MID1: variants seen among roughly 807,000 people sequenced by gnomAD.
MID1 encodes E3 ubiquitin-protein ligase Midline-1.
Under a neutral mutation model 40.4 loss-of-function variants are expected in MID1, and 7 were observed. That is an observed-to-expected ratio of 0.17 (90% CI 0.10 to 0.33). The LOEUF is 0.33. Ranked by LOEUF, MID1 falls within the 10% of genes least tolerant of loss-of-function variation. The pLI, the probability that MID1 is intolerant of heterozygous loss-of-function variation, is 1.00. For missense variants in MID1, 367 were observed against 558.5 expected (o/e 0.66, Z 3.46); for synonymous variants, 229 against 221.2 (o/e 1.04, Z -0.31).
intron 1 of MID1, among the ~76,000 whole-genome samples, chrX:10,681,387 G>C (rs764425611): frequency 8.9e-6 from 1 of 111,871 alleles, no homozygotes; most frequent in African/African-American, 3.3e-5. Flanking sequence ...GCTGTGGCTC[G>C]AAGTCTAGAG....
chrX:10,658,025 C>A (rs1464014187), intron 1 of MID1, among the ~76,000 whole-genome samples: 10 of 111,533 alleles, frequency 9.0e-5, no homozygotes, highest in Non-Finnish European at 1.9e-4. Flanking sequence ...TACACTCCAT[C>A]TTTTGAGACA....
In MID1 at chrX:10,524,011, A is replaced by G. The variant is rs1034620251; in HGVS notation, c.661-824T>C. ...TTGAGCATCCATGATTTTAGTATCTATGAGAGACCCTGAAATTAATCCTTT... is the reference window on the plus strand; with the variant it reads ...TTGAGCATCCATGATTTTAGTATCTGTGAGAGACCCTGAAATTAATCCTTT... On this transcript the variant is annotated intron_variant, in intron 2 of 9. Coordinates refer to ENST00000317552, the MANE Select transcript of MID1 (RefSeq NM_000381.4). Among the ~76,000 whole-genome samples, 3 of 111,910 alleles carry G rather than the reference A, an allele frequency of 2.7e-5. No homozygotes were observed. The Admixed American group carries it at 2.8e-4, about 11-fold the overall frequency.
chrX:10,750,961 T>A (rs2043594187), intron 1 of MID1, among the ~76,000 whole-genome samples: 1 of 111,600 alleles, frequency 9.0e-6, no homozygotes, highest in Admixed American at 9.5e-5. Context: ...TGTGATCTTA[T>A]CAGAAAATTA....
chrX:10,552,581 ATCT>A (rs755840587), intron 2 of MID1, among the ~76,000 whole-genome samples: 65 of 111,270 alleles, frequency 5.8e-4, no homozygotes, highest in Middle Eastern at 4.7e-3. Context: ...TTGTGTTTTT[ATCT>A]TTTTTAATTG....
intron 1 of MID1, among the ~76,000 whole-genome samples, chrX:10,579,374 C>G (rs1362571738): frequency 9.0e-6 from 1 of 111,618 alleles, no homozygotes; most frequent in Non-Finnish European, 1.9e-5. Flanking sequence ...AGTACACACC[C>G]TCCCCTTCCC....
intron 1 of MID1, among the ~76,000 whole-genome samples, chrX:10,756,895 T>A (rs991878235): frequency 9.0e-6 from 1 of 111,689 alleles, no homozygotes; most frequent in Non-Finnish European, 1.9e-5. Context: ...CCAAGTTGCA[T>A]TGCCATGTTA....
chrX:10,483,167 T>C (rs756504453), intron 4 of MID1, among the ~76,000 whole-genome samples: 7 of 112,148 alleles, frequency 6.2e-5, no homozygotes, highest in Non-Finnish European at 1.3e-4. Context: ...TGTGTTAAAT[T>C]AACAGAAAGG....
At chrX:10,557,309 T>C (rs1934160534) in intron 2 of MID1, among the ~76,000 whole-genome samples, 1 of 112,111 alleles carries the variant, frequency 8.9e-6, no homozygotes. Context: ...CCTACACCCA[T>C]GATGCTGGTT....
chrX:10,551,160 A>G (rs1201851479), intron 2 of MID1, among the ~76,000 whole-genome samples: 1 of 112,338 alleles, frequency 8.9e-6, no homozygotes, highest in East Asian at 2.8e-4. Flanking sequence ...TAGTTGTTAC[A>G]TTGTATTGTT....
In MID1 at chrX:10,732,736, T is replaced by A. The variant is rs180792343; in HGVS notation, c.-187+100818A>T. Among the ~76,000 whole-genome samples the A allele has an allele frequency of 2.6e-3, 293 of 112,074 alleles. 1 individual carries two copies. Among genetic ancestry groups the A allele is most frequent in the African/African-American group, 9.2e-3 (284 of 30,939 alleles). ...CATCCTACTCTATTTAAAAACTAACTATAACATGACAGTAGCTGACATCAT... is the reference window on the plus strand; with the variant it reads ...CATCCTACTCTATTTAAAAACTAACAATAACATGACAGTAGCTGACATCAT... On this transcript the variant is annotated intron_variant, in intron 1 of 10. Coordinates refer to the MID1 transcript ENST00000380785.
intron 1 of MID1, among the ~76,000 whole-genome samples, chrX:10,650,676 C>T (rs926554350): frequency 4.5e-5 from 5 of 111,802 alleles, no homozygotes; most frequent in Non-Finnish European, 3.8e-5. Context: ...CCATCTCCCG[C>T]TCTCCTAAGA....
intron 1 of MID1, among the ~76,000 whole-genome samples, chrX:10,583,119 T>C (rs1269547919): frequency 9.0e-6 from 1 of 111,555 alleles, no homozygotes; most frequent in Non-Finnish European, 1.9e-5. Context: ...TTTTTTGAGG[T>C]CATTCTGTGT....
At position 10,459,702 on chromosome X, in the gene MID1, T is replaced by C. The variant is rs757888585; in HGVS notation, c.1391A>G (p.Lys464Arg). 1 of 1,211,826 alleles carries C rather than the reference T, an allele frequency of 8.3e-7. No individual in the cohort carries two copies. Among genetic ancestry groups the C allele is most frequent in the Non-Finnish European group, 1.1e-6 (1 of 895,480 alleles). The change falls in exon 8 of 10, where the codon AAG becomes AGG. Residue 464 changes from lysine (K) to arginine (R), a missense_variant. Lys to Arg is a conservative substitution (Grantham distance 26). Around this residue, in one of 3 missense-constraint regions of MID1, gnomAD observed 275 missense variants for 383.1 expected, o/e 0.72. Transcript: ENST00000317552. ...QSGTKYIFMVKAINQAGSRSS... is the reference protein window; with the variant it reads ...QSGTKYIFMVRAINQAGSRSS... ...GCGGCTGCCCGCCTGGTTGATGGCCTTGACCATGAAGATGTACTTGGTGCC... is the reference window on the plus strand; with the variant it reads ...GCGGCTGCCCGCCTGGTTGATGGCCCTGACCATGAAGATGTACTTGGTGCC...
chrX:10,714,092 C>T (rs1290054985), intron 1 of MID1, among the ~76,000 whole-genome samples: 3 of 112,089 alleles, frequency 2.7e-5, no homozygotes, highest in Non-Finnish European at 5.6e-5. Context: ...ATCCATTCTT[C>T]GACTGTATTC....
chrX:10,763,225 A>C (rs1303558223), intron 1 of MID1, among the ~76,000 whole-genome samples: 2 of 108,022 alleles, frequency 1.9e-5, no homozygotes, highest in East Asian at 5.8e-4. Context: ...CAGGTTTGTT[A>C]CATATGTATA....
chrX:10,640,218 G>A (rs1936173651), intron 1 of MID1, among the ~76,000 whole-genome samples: 1 of 111,699 alleles, frequency 9.0e-6, no homozygotes, highest in Non-Finnish European at 1.9e-5. Context: ...GACACAGACT[G>A]GCAAATTGGA....
At chrX:10,738,471 C>T (rs895640054) in intron 1 of MID1, among the ~76,000 whole-genome samples, 17 of 111,770 alleles carry the variant, frequency 1.5e-4, no homozygotes, top group South Asian at 3.8e-4. Context: ...CAGGACTCTT[C>T]GTCTGGGGTC....
intron 3 of MID1, among the ~76,000 whole-genome samples, chrX:10,518,057 C>T (rs1459918879): frequency 8.9e-6 from 1 of 112,207 alleles, no homozygotes; most frequent in African/African-American, 3.2e-5. Context: ...GACACTGTAA[C>T]AAATTAAAGT....
chrX:10,765,863 A>G (rs1391543177), intron 1 of MID1, among the ~76,000 whole-genome samples: 1 of 107,570 alleles, frequency 9.3e-6, no homozygotes, highest in African/African-American at 3.4e-5. Context: ...AATATCATGG[A>G]TGCTAAAAGA....
Sources: allele counts gnomAD v4.1 joint callset (sites outside exome capture counted in the v4.1 genomes callset), GRCh38; gene constraint gnomAD v4.1.1; regional missense constraint gnomAD v4.1.1; transcripts MANE v1.5; gene names NCBI Gene and HGNC (gene_info 2026-07-23, HGNC 2026-07-21).